ELF1: variants seen among roughly 807,000 people sequenced by gnomAD.
ELF1 encodes ETS-related transcription factor Elf-1.
A neutral mutation model predicts 59.9 loss-of-function variants in ELF1; 24 were observed. That is an observed-to-expected ratio of 0.40 (90% CI 0.29 to 0.56). The LOEUF (loss-of-function observed/expected upper bound fraction) is 0.56, where lower values mean the gene tolerates loss of function less well. ELF1 is among the 20% of genes least tolerant of loss of function. ELF1 has a pLI of 0.44. For missense variants in ELF1, 627 were observed against 742.2 expected (o/e 0.84, Z 1.80); for synonymous variants, 248 against 266.2 (o/e 0.93, Z 0.67).
Position 40,935,819 on chromosome 13 carries a change from C to A in ELF1, c.1257-1791G>T, listed in dbSNP as rs145126977. Among the ~76,000 whole-genome samples the A allele has an allele frequency of 2.7e-3, 404 of 152,022 alleles. 6 individuals carry two copies. The East Asian group carries it at 0.051, about 19-fold the overall frequency. ...TCCCGAGTAGCTGGGATTATAGGCA[C>A]CCGCCACCATGCCCAGCTAATTTTT... On this transcript the variant is annotated intron_variant, in intron 8 of 8. Transcript: ENST00000239882.
intron 1 of ELF1, among the ~76,000 whole-genome samples, chr13:41,016,747 T>C (rs1875385614): frequency 6.6e-6 from 1 of 150,674 alleles, no homozygotes; most frequent in African/African-American, 2.4e-5. Context: ...AAACCCTGTC[T>C]CTACTAAAAA....
At chr13:40,954,620 GTATT>G (rs1329054820) in intron 3 of ELF1, among the ~76,000 whole-genome samples, 1 of 152,200 alleles carries the variant, frequency 6.6e-6, no homozygotes, top group Non-Finnish European at 1.5e-5. Context: ...ACTGGTTTTC[GTATT>G]TTTTTGGTGG....
At chr13:40,973,468 G>A (rs1313460988) in intron 2 of ELF1, among the ~76,000 whole-genome samples, 1 of 152,054 alleles carries the variant, frequency 6.6e-6, no homozygotes, top group Non-Finnish European at 1.5e-5. Flanking sequence ...AAAAAGGCCA[G>A]TTACACTAAC....
At chr13:40,974,435 T>C (rs1229388476) in intron 2 of ELF1, among the ~76,000 whole-genome samples, 1 of 152,198 alleles carries the variant, frequency 6.6e-6, no homozygotes, top group African/African-American at 2.4e-5. Context: ...TTAGTAGCTA[T>C]GAAATTACAG....
At chr13:41,017,889 A>G (rs1336738597) in intron 1 of ELF1, among the ~76,000 whole-genome samples, 3 of 152,232 alleles carry the variant, frequency 2.0e-5, no homozygotes, top group Non-Finnish European at 4.4e-5. Flanking sequence ...TGACTAAACC[A>G]GCAATATGCA....
In ELF1 at chr13:41,057,148, C is replaced by T. The variant is rs73471211; in HGVS notation, c.-229+3690G>A. On this transcript the variant is annotated intron_variant, in intron 1 of 1. Coordinates refer to the ELF1 transcript ENST00000405737. ...TCTGCAAACATTTACTGAACTTTCA[C>T]GTCTTTTTTTTTTTTTTTTTTAAGA... is the stretch of plus-strand genomic sequence containing the variant. Among the ~76,000 whole-genome samples, 157 of 101,844 alleles carry T rather than the reference C, an allele frequency of 1.5e-3. 1 individual carries two copies. The highest frequency in any genetic ancestry group is 5.6e-3 in the African/African-American group (154 of 27,504). The allele number at this position is 101,844 out of a possible 152,430, so 66.8% of individuals were successfully genotyped here.
At chr13:40,957,508 TAAAAAAAAA>T (rs963016081) in intron 3 of ELF1, among the ~76,000 whole-genome samples, 1 of 136,864 alleles carries the variant, frequency 7.3e-6, no homozygotes, top group African/African-American at 2.7e-5. Context: ...TTTGTGCATT[TAAAAAAAAA>T]AAAAAGAAAA....
intron 1 of ELF1, among the ~76,000 whole-genome samples, chr13:41,001,663 T>C (rs1423001089): frequency 6.6e-6 from 1 of 152,166 alleles, no homozygotes; most frequent in Admixed American, 6.5e-5. Context: ...GGGCTTAGAA[T>C]CTAGTGATCT....
At chr13:40,950,680 A>G (rs901011586) in intron 4 of ELF1, among the ~76,000 whole-genome samples, 1 of 149,380 alleles carries the variant, frequency 6.7e-6, no homozygotes, top group Non-Finnish European at 1.5e-5. Flanking sequence ...ATTCGCTATC[A>G]CTCTTGTGGC....
At chr13:40,937,458 A>T (rs564304719) in intron 8 of ELF1, among the ~76,000 whole-genome samples, 3 of 152,184 alleles carry the variant, frequency 2.0e-5, no homozygotes, top group Non-Finnish European at 2.9e-5. Flanking sequence ...TCTAATAATT[A>T]GCAAGGCTGA....
rs915626612 is a variant in ELF1 at position 41,000,418 on chromosome 13, C to T, written c.-228-18136G>A. Reference sequence around the variant, plus strand: ...TGTATTTTTAGCAGAGACGGGGTTTCGCCACATTGGCCAGGCTGGTCTTGA... The same window carrying T: ...TGTATTTTTAGCAGAGACGGGGTTTTGCCACATTGGCCAGGCTGGTCTTGA... On this transcript the variant is annotated intron_variant, in intron 1 of 8. Transcript: ENST00000239882. 3.3e-5 allele frequency among the ~76,000 whole-genome samples: 5 copies of T among 151,448 alleles called. No individual in the cohort carries two copies. The South Asian group carries it at 6.3e-4, about 19-fold the overall frequency.
upstream of ELF1, among the ~76,000 whole-genome samples, chr13:41,020,974 A>G (rs1875666699): frequency 6.6e-6 from 1 of 152,244 alleles, no homozygotes. Flanking sequence ...CATTAAAAAA[A>G]CCCACCTTAC....
At chr13:40,984,852 T>G (rs1452723193) in intron 1 of ELF1, among the ~76,000 whole-genome samples, 1 of 152,202 alleles carries the variant, frequency 6.6e-6, no homozygotes, top group Non-Finnish European at 1.5e-5. Flanking sequence ...TTTCACTTTC[T>G]TTTCCACTGC....
chr13:41,006,733 A>T (rs915797476), intron 1 of ELF1, among the ~76,000 whole-genome samples: 16 of 152,346 alleles, frequency 1.1e-4, no homozygotes, highest in African/African-American at 3.6e-4. Flanking sequence ...TAATTTACAC[A>T]ATATACCTTA....
At chr13:41,005,162 A>G (rs972194681) in intron 1 of ELF1, among the ~76,000 whole-genome samples, 5 of 152,194 alleles carry the variant, frequency 3.3e-5, no homozygotes, top group African/African-American at 1.2e-4. Context: ...TAGCACAAAC[A>G]TATAAATGGT....
At chr13:40,995,897 G>T (rs980688441) in intron 1 of ELF1, among the ~76,000 whole-genome samples, 100 of 152,184 alleles carry the variant, frequency 6.6e-4, no homozygotes, top group African/African-American at 2.3e-3. Context: ...ATTTTGCTCT[G>T]TGAAAGACAA....
chr13:41,057,323 A>AT (rs147627377), intron 1 of ELF1, among the ~76,000 whole-genome samples: 22,399 of 150,668 alleles, frequency 0.15, 1,813 homozygotes, highest in Non-Finnish European at 0.19. Flanking sequence ...CACCTGGCTA[A>AT]TTTTTTTTTA....
chr13:40,945,491 C>CT (rs1057487300), intron 5 of ELF1, among the ~76,000 whole-genome samples: 70 of 151,908 alleles, frequency 4.6e-4, no homozygotes, highest in African/African-American at 1.4e-3. Context: ...CGGTCGGCTT[C>CT]TTTTTTTTGA....
At chr13:40,944,973 A>C (rs2138140708) in intron 5 of ELF1, among the ~76,000 whole-genome samples, 1 of 152,294 alleles carries the variant, frequency 6.6e-6, no homozygotes, top group Non-Finnish European at 1.5e-5. Flanking sequence ...AGGAAGGGAG[A>C]AAAGTGTCAA....
Sources: allele counts gnomAD v4.1 joint callset (sites outside exome capture counted in the v4.1 genomes callset), GRCh38; gene constraint gnomAD v4.1.1; transcripts MANE v1.5; gene names NCBI Gene and HGNC (gene_info 2026-07-23, HGNC 2026-07-21).